Variants in CSMD1 observed in about 807,000 individuals in gnomAD.
CSMD1 encodes CUB and sushi domain-containing protein 1.
In CSMD1, 213 loss-of-function variants were observed where a neutral mutation model predicts 417.5. The observed-to-expected ratio is 0.51, with a 90% CI of 0.46 to 0.57. The LOEUF is 0.57. CSMD1 is among the 20% of genes least tolerant of loss of function. The pLI is 0.00. For synonymous variants in CSMD1, 2,862 were observed against 1,736.8 expected (o/e 1.65, Z -16.11); for missense variants, 6,923 against 4,529.7 (o/e 1.53, Z -15.17).
intron 10 of CSMD1, among the ~76,000 whole-genome samples, chr8:3,502,344 G>A (rs568221743): frequency 2.3e-5 from 3 of 129,354 alleles, no homozygotes; most frequent in Admixed American, 9.1e-5. Context: ...CAGCCTGGGG[G>A]ACAGACCGAG....
intron 2 of CSMD1, among the ~76,000 whole-genome samples, chr8:4,567,417 C>T (rs1186816205): frequency 6.6e-6 from 1 of 152,126 alleles, no homozygotes; most frequent in African/African-American, 2.4e-5. Flanking sequence ...GAGAAAACAA[C>T]AACAAATGGC....
chr8:3,636,974 G>GTC (rs995707495), intron 7 of CSMD1, among the ~76,000 whole-genome samples: 3 of 151,920 alleles, frequency 2.0e-5, no homozygotes, highest in Admixed American at 6.6e-5. Flanking sequence ...ATGCGAATTT[G>GTC]TCTCTCTCTC....
At chr8:4,533,999 T>C (rs1414676443) in intron 2 of CSMD1, among the ~76,000 whole-genome samples, 2 of 151,318 alleles carry the variant, frequency 1.3e-5, no homozygotes, top group East Asian at 1.9e-4. Context: ...TGTCAGTCTA[T>C]AGGTATAACA....
intron 1 of CSMD1, among the ~76,000 whole-genome samples, chr8:4,744,182 A>G (rs564124008): frequency 5.8e-4 from 88 of 151,800 alleles, no homozygotes; most frequent in African/African-American, 2.0e-3. Context: ...GTCCAGGCCA[A>G]ACACAGGGAC....
intron 3 of CSMD1, among the ~76,000 whole-genome samples, chr8:4,207,974 G>A (rs993085422): frequency 2.6e-5 from 4 of 152,044 alleles, no homozygotes; most frequent in Admixed American, 2.6e-4. Context: ...ATTCATTATA[G>A]CATGAAATAG....
At chr8:3,988,938 T>C (rs552178810) in intron 5 of CSMD1, among the ~76,000 whole-genome samples, 2 of 152,360 alleles carry the variant, frequency 1.3e-5, no homozygotes, top group African/African-American at 2.4e-5. Context: ...TTAACAGCTT[T>C]TATAACTCAA....
chr8:4,777,353 A>G (rs1796905282), intron 1 of CSMD1, among the ~76,000 whole-genome samples: 1 of 152,156 alleles, frequency 6.6e-6, no homozygotes, highest in African/African-American at 2.4e-5. Context: ...TTGGTAGATG[A>G]GATGTCTGGT....
chr8:4,841,199 C>T (rs930506908), intron 1 of CSMD1, among the ~76,000 whole-genome samples: 6 of 152,214 alleles, frequency 3.9e-5, no homozygotes, highest in African/African-American at 1.4e-4. Context: ...AAATATTATA[C>T]ATTATGTTGA....
intron 50 of CSMD1, among the ~76,000 whole-genome samples, chr8:3,049,963 A>G (rs551238251): frequency 6.6e-6 from 1 of 152,218 alleles, no homozygotes; most frequent in Non-Finnish European, 1.5e-5. Flanking sequence ...AAAGAAACGA[A>G]AGCTCTGAAA....
intron 3 of CSMD1, among the ~76,000 whole-genome samples, chr8:4,316,019 A>T (rs1798906477): frequency 1.3e-5 from 2 of 152,150 alleles, no homozygotes; most frequent in African/African-American, 4.8e-5. Flanking sequence ...ATATTCAGGC[A>T]TTATTGAAAT....
intron 4 of CSMD1, among the ~76,000 whole-genome samples, chr8:4,026,262 G>C (rs1585157289): frequency 6.6e-6 from 1 of 152,274 alleles, no homozygotes. Flanking sequence ...AAAATAACAT[G>C]TAATGGAACG....
intron 12 of CSMD1, among the ~76,000 whole-genome samples, chr8:3,431,282 G>T (rs955313953): frequency 3.3e-5 from 5 of 151,982 alleles, no homozygotes. Flanking sequence ...GTCACACCTG[G>T]GCCATCACTA....
At chr8:3,005,413 C>G (rs937045472) in intron 52 of CSMD1, among the ~76,000 whole-genome samples, 3 of 152,186 alleles carry the variant, frequency 2.0e-5, no homozygotes, top group African/African-American at 7.2e-5. Context: ...TCCTCCCTAA[C>G]TCATTTTATG....
intron 49 of CSMD1, among the ~76,000 whole-genome samples, chr8:3,082,614 C>T (rs877914): frequency 0.34 from 51,586 of 152,004 alleles, 8,920 homozygotes; most frequent in East Asian, 0.38. Context: ...AGAGCTAAGT[C>T]TGAATTGAAA....
At chr8:3,072,810 G>C (rs901068449) in intron 49 of CSMD1, among the ~76,000 whole-genome samples, 5 of 152,086 alleles carry the variant, frequency 3.3e-5, no homozygotes, top group African/African-American at 4.8e-5. Context: ...CTGAATACTG[G>C]TCGATGTATA....
At chr8:3,560,165 G>C (rs1799408695) in intron 10 of CSMD1, among the ~76,000 whole-genome samples, 1 of 152,122 alleles carries the variant, frequency 6.6e-6, no homozygotes, top group African/African-American at 2.4e-5. Context: ...ATCTCTGTAA[G>C]GCACAGGAAG....
At chr8:3,076,405 AAATAC>A (rs1431556617) in intron 49 of CSMD1, among the ~76,000 whole-genome samples, 29 of 73,514 alleles carry the variant, frequency 3.9e-4, no homozygotes, top group African/African-American at 2.2e-3. Context: ...CCCTGTCTCC[AAATAC>A]AGTCCCATTC....
chr8:3,338,330 C>T (rs79396646), intron 23 of CSMD1, among the ~76,000 whole-genome samples: 5,927 of 152,170 alleles, frequency 0.039, 322 homozygotes, highest in East Asian at 0.21. Flanking sequence ...GTCCACAGAA[C>T]GGAAACTAGC....
chr8:4,423,362 G>A (rs576189764), intron 2 of CSMD1, among the ~76,000 whole-genome samples: 9 of 152,132 alleles, frequency 5.9e-5, no homozygotes, highest in African/African-American at 9.6e-5. Flanking sequence ...ATCATCAAAC[G>A]TGCAAGGCAC....
Sources: gnomAD v4.1 joint callset for allele counts (sites outside exome capture counted in the v4.1 genomes callset) on GRCh38, gnomAD v4.1.1 for gene constraint, MANE v1.5 for transcripts, NCBI Gene and HGNC (gene_info 2026-07-23, HGNC 2026-07-21) for gene names.